Variants in ANKRD13C observed in about 807,000 individuals in gnomAD.
ANKRD13C encodes ankyrin repeat domain-containing protein 13C.
In ANKRD13C, 16 loss-of-function variants were observed where a neutral mutation model predicts 65.5. The ratio of observed to expected loss-of-function variants is 0.24; its 90% CI spans 0.17 to 0.37. The LOEUF (loss-of-function observed/expected upper bound fraction) is 0.37. Among genes scored for constraint, ANKRD13C ranks in the 10% least tolerant of loss-of-function variants. ANKRD13C has a pLI of 1.00. For missense variants in ANKRD13C, 503 were observed against 655.9 expected (o/e 0.77, Z 2.55); for synonymous variants, 235 against 238.7 (o/e 0.98, Z 0.14).
At chr1:70,276,143 C>T (rs2101141647) in intron 10 of ANKRD13C, among the ~76,000 whole-genome samples, 1 of 152,068 alleles carries the variant, frequency 6.6e-6, no homozygotes, top group East Asian at 1.9e-4. Context: ...GGCCAGGATA[C>T]ACTTTTTACT....
chr1:70,302,224 G>C (rs1179966166), intron 6 of ANKRD13C, among the ~76,000 whole-genome samples: 1 of 151,396 alleles, frequency 6.6e-6, no homozygotes, highest in Admixed American at 6.6e-5. Context: ...GAAAACAGGG[G>C]TGAGCCAGAG....
intron 1 of ANKRD13C, among the ~76,000 whole-genome samples, chr1:70,336,422 A>C (rs1485838737): frequency 1.3e-5 from 2 of 152,192 alleles, no homozygotes; most frequent in Non-Finnish European, 2.9e-5. Flanking sequence ...TTAAATATCT[A>C]GTCATCCTTG....
chr1:70,311,796 G>A (rs1680861352), intron 5 of ANKRD13C, among the ~76,000 whole-genome samples: 1 of 152,036 alleles, frequency 6.6e-6, no homozygotes, highest in Non-Finnish European at 1.5e-5. Context: ...ATTAGTCAAA[G>A]CTAACTAAAA....
At chr1:70,351,208 G>T (rs1235914198) in intron 1 of ANKRD13C, among the ~76,000 whole-genome samples, 1 of 152,152 alleles carries the variant, frequency 6.6e-6, no homozygotes, top group African/African-American at 2.4e-5. Flanking sequence ...TGGATAAATT[G>T]TGTCTATAAT....
chr1:70,294,269 A>T (rs1248508904), intron 8 of ANKRD13C, among the ~76,000 whole-genome samples: 1 of 152,214 alleles, frequency 6.6e-6, no homozygotes, highest in Non-Finnish European at 1.5e-5. Context: ...GGAGGATATA[A>T]AAACTGGTGA....
intron 3 of ANKRD13C, 96 bp from the exon 4 acceptor site, chr1:70,315,662 C>T: frequency 1.2e-6 from 1 of 869,262 alleles, no homozygotes; most frequent in Non-Finnish European, 1.7e-6. Flanking sequence ...AATACATGTA[C>T]ACATATATGC....
chr1:70,324,330 G>A (rs982432380), intron 3 of ANKRD13C, among the ~76,000 whole-genome samples: 5 of 152,154 alleles, frequency 3.3e-5, no homozygotes, highest in Non-Finnish European at 7.4e-5. Context: ...CTGGGTAGGA[G>A]GAGGGAGAGT....
chr1:70,343,522 T>C (rs916817395), intron 1 of ANKRD13C, among the ~76,000 whole-genome samples: 3 of 152,176 alleles, frequency 2.0e-5, no homozygotes, highest in African/African-American at 7.2e-5. Context: ...GTGAAAAACA[T>C]CCAGTAATAT....
chr1:70,349,636 T>C (rs1189154112), intron 1 of ANKRD13C, among the ~76,000 whole-genome samples: 1 of 152,198 alleles, frequency 6.6e-6, no homozygotes. Context: ...AGTGATAGTT[T>C]AAACTGAAAT....
intron 11 of ANKRD13C, among the ~76,000 whole-genome samples, chr1:70,272,302 C>T (rs1411542176): frequency 5.9e-5 from 9 of 151,454 alleles, no homozygotes; most frequent in Admixed American, 2.6e-4. Context: ...GTCGGCTCAA[C>T]GCAAACTCCG....
At chr1:70,350,730 ATACT>A (rs1000068370) in intron 1 of ANKRD13C, among the ~76,000 whole-genome samples, 1 of 146,870 alleles carries the variant, frequency 6.8e-6, no homozygotes, top group Non-Finnish European at 1.5e-5. Context: ...ATCAATAGAA[ATACT>A]TACAAAGAGG....
intron 9 of ANKRD13C, among the ~76,000 whole-genome samples, chr1:70,290,635 G>T (rs767485476): frequency 2.6e-5 from 4 of 151,480 alleles, no homozygotes; most frequent in African/African-American, 9.7e-5. Flanking sequence ...TCAGTCTCCC[G>T]GGCTCAAGTG....
At chr1:70,313,701 C>T in intron 5 of ANKRD13C, 44 bp downstream of exon 5, 1 of 1,423,914 alleles carries the variant, frequency 7.0e-7, no homozygotes, top group Non-Finnish European at 9.8e-7. Flanking sequence ...ACTTGCATTT[C>T]TGCATAAGTA....
intron 6 of ANKRD13C, among the ~76,000 whole-genome samples, chr1:70,304,443 C>T (rs1451639942): frequency 1.3e-5 from 2 of 151,588 alleles, no homozygotes; most frequent in African/African-American, 4.9e-5. Context: ...GTTGCCCAGG[C>T]TAAAGTGCAG....
chr1:70,264,684 C>G (rs1009529856), intron 12 of ANKRD13C, among the ~76,000 whole-genome samples: 6 of 151,976 alleles, frequency 3.9e-5, no homozygotes, highest in Non-Finnish European at 8.8e-5. Flanking sequence ...TGACCCCGTT[C>G]TAGGTTTTGG....
intron 1 of ANKRD13C, among the ~76,000 whole-genome samples, chr1:70,344,534 T>C (rs1416441678): frequency 6.6e-6 from 1 of 152,058 alleles, no homozygotes; most frequent in Admixed American, 6.6e-5. Context: ...ATTAAATGTG[T>C]TGGGCACTAT....
intron 7 of ANKRD13C, among the ~76,000 whole-genome samples, chr1:70,296,541 C>T (rs932297447): frequency 1.3e-5 from 2 of 152,050 alleles, no homozygotes; most frequent in African/African-American, 4.8e-5. Flanking sequence ...GTAATGGAAG[C>T]AGTACTAGAT....
At chr1:70,278,938 T>C (rs1336523373) in intron 9 of ANKRD13C, among the ~76,000 whole-genome samples, 1 of 152,122 alleles carries the variant, frequency 6.6e-6, no homozygotes, top group African/African-American at 2.4e-5. Context: ...TGGTGCCTCA[T>C]GCCTATAATC....
At chr1:70,277,716 A>G (rs974721621) in intron 9 of ANKRD13C, among the ~76,000 whole-genome samples, 4 of 152,172 alleles carry the variant, frequency 2.6e-5, no homozygotes, top group Non-Finnish European at 5.9e-5. Flanking sequence ...AAGGTAAAAA[A>G]CACAAGAAGA....
Sources: allele counts gnomAD v4.1 joint callset (sites outside exome capture counted in the v4.1 genomes callset), GRCh38; gene constraint gnomAD v4.1.1; transcripts MANE v1.5; gene names NCBI Gene and HGNC (gene_info 2026-07-23, HGNC 2026-07-21).